The following TACO1 variants were observed in gnomAD, a reference collection of about 807,000 sequenced individuals.
TACO1 encodes translational activator of cytochrome c oxidase 1.
A neutral mutation model predicts 24.0 loss-of-function variants in TACO1; 13 were observed. The observed-to-expected ratio is 0.54, with a 90% confidence interval of 0.35 to 0.86. The LOEUF is 0.86. TACO1 is among the 40% of genes least tolerant of loss of function. The probability of loss-of-function intolerance (pLI) is 0.01; values close to 1 mark genes in which losing one functional copy is unlikely to be tolerated. For synonymous variants in TACO1, 149 were observed against 153.5 expected (o/e 0.97, Z 0.22); for missense variants, 352 against 380.1 (o/e 0.93, Z 0.61).
At chr17:63,604,681 T>C (rs1211156084) in intron 2 of TACO1, 41 bp downstream of exon 2, 3 of 1,565,096 alleles carry the variant, frequency 1.9e-6, no homozygotes, top group Non-Finnish European at 2.6e-6. Context: ...TCACAGCCTC[T>C]ACCGGGCTCA....
At chr17:63,604,233 G>T (rs1002026067) in intron 1 of TACO1, among the ~76,000 whole-genome samples, 2 of 151,998 alleles carry the variant, frequency 1.3e-5, no homozygotes, top group Non-Finnish European at 2.9e-5. Context: ...AGCTACTCAG[G>T]AGGCTGAGGC....
In TACO1 at chr17:63,601,201, C is replaced by A. The variant is rs1389722379; in HGVS notation, c.118C>A (p.Arg40=). 1.3e-6 allele frequency: 2 copies of A among 1,570,056 alleles called. No individual in the cohort carries two copies. Among genetic ancestry groups the A allele is most frequent in the South Asian group, 1.2e-5 (1 of 86,116 alleles). ...RDPRPSHPEP[R]GCGAAPGRTL... ...CCCCCGGCCCTCCCACCCCGAGCCCCGGGGCTGCGGTGCCGCTCCGGGCAG... is the reference window on the plus strand; with the variant it reads ...CCCCCGGCCCTCCCACCCCGAGCCCAGGGGCTGCGGTGCCGCTCCGGGCAG... Residue 40 remains arginine, a synonymous_variant, in exon 1 of 5, where the codon CGG becomes AGG. Coordinates refer to ENST00000258975, the MANE Select transcript of TACO1 (RefSeq NM_016360.4).
chr17:63,603,029 G>A (rs1451823598), intron 1 of TACO1, among the ~76,000 whole-genome samples: 4 of 151,790 alleles, frequency 2.6e-5, no homozygotes, highest in Admixed American at 2.0e-4. Flanking sequence ...AGGTCAGATC[G>A]AGACCATCCT....
chr17:63,607,714 T>A, intron 4 of TACO1, 88 bp from the exon 5 acceptor site: 1 of 1,260,452 alleles, frequency 7.9e-7, no homozygotes. Flanking sequence ...TCCATTCCAG[T>A]ACTGACATTC....
chr17:63,607,356 C>T lies in TACO1; in HGVS notation c.585C>T (p.Asp195=). 1 of 1,614,148 alleles carries T rather than the reference C, an allele frequency of 6.2e-7. No individual in the cohort carries two copies. Among genetic ancestry groups the T allele is most frequent in the Non-Finnish European group, 8.5e-7 (1 of 1,180,014 alleles). ...KKGVIVVEVE[D]REKKAVNLER... ...GGGTGATTGTGGTTGAAGTGGAGGA[C>T]AGAGAGAAGAAGGCTGTGAACCTAG... Residue 195 remains aspartate, a synonymous_variant, in exon 4 of 5, where the codon GAC becomes GAT. Transcript: ENST00000258975.
In TACO1 at chr17:63,606,315, A is replaced by G. The variant is rs916663656; in HGVS notation, c.390A>G (p.Lys130=). ...TGTGCTTGTGTTGTTTATTGCAGAA[A>G]TCCAAGGACACTTATTTGCTGTATG... is the stretch of plus-strand genomic sequence containing the variant. ...STIETALKME[K]SKDTYLLYEG... The change falls in exon 3 of 5, where the codon AAA becomes AAG. Residue 130 remains lysine (K), a splice_region_variant and synonymous_variant. Transcript: ENST00000258975. 4.2e-5 allele frequency: 68 copies of G among 1,613,102 alleles called. No individual in the cohort carries two copies. Among genetic ancestry groups the G allele is most frequent in the Non-Finnish European group, 5.5e-5 (65 of 1,180,038 alleles).
Position 63,604,565 on chromosome 17 carries a change from C to T in TACO1, c.312C>T (p.Asn104=), listed in dbSNP as rs774911709. The T allele has an allele frequency of 2.4e-5, 39 of 1,614,086 alleles. No individual in the cohort carries two copies. The highest frequency in any genetic ancestry group is 2.8e-5 in the Non-Finnish European group (33 of 1,180,028). ...GCCCCAACCCTGAGCACAACAGCAA[C>T]CTGGCCAATATCTTAGAGGTGTGTC... is the stretch of plus-strand genomic sequence containing the variant. ...EGGPNPEHNS[N]LANILEVCRS... The change falls in exon 2 of 5, where the codon AAC becomes AAT. Residue 104 remains asparagine, a synonymous_variant. Coordinates refer to ENST00000258975, the MANE Select transcript of TACO1 (RefSeq NM_016360.4).
chr17:63,607,347 A>C lies in TACO1; in HGVS notation c.576A>C (p.Glu192Asp). 1.9e-6 allele frequency: 3 copies of C among 1,614,214 alleles called. No homozygotes were observed. The highest frequency in any genetic ancestry group is 8.5e-7 in the Non-Finnish European group (1 of 1,180,026). The change falls in exon 4 of 5, where the codon GAA becomes GAC. Residue 192 changes from glutamate to aspartate, a missense_variant. Coordinates refer to ENST00000258975, the MANE Select transcript of TACO1 (RefSeq NM_016360.4). ...SFDKKGVIVVEVEDREKKAVN... is the reference protein window; with the variant it reads ...SFDKKGVIVVDVEDREKKAVN... ...ACAAAAAGGGGGTGATTGTGGTTGA[A>C]GTGGAGGACAGAGAGAAGAAGGCTG...
chr17:63,604,506 C>CA, intron 1 of TACO1, 28 bp from the exon 2 acceptor site: 1 of 1,586,524 alleles, frequency 6.3e-7, no homozygotes, highest in Non-Finnish European at 8.7e-7. Flanking sequence ...TTTGCTCACT[C>CA]TTTTTTTTCT....
intron 3 of TACO1, 164 bp downstream of exon 3, chr17:63,606,604 G>A (rs1045455351): frequency 1.2e-6 from 1 of 819,668 alleles, no homozygotes; most frequent in Non-Finnish European, 2.0e-6. Flanking sequence ...GGAGTGCAAT[G>A]GCATGATCTT....
At chr17:63,607,711 C>T in intron 4 of TACO1, 91 bp from the exon 5 acceptor site, 1 of 1,232,510 alleles carries the variant, frequency 8.1e-7, no homozygotes, top group Non-Finnish European at 1.2e-6. Flanking sequence ...TGATCCATTC[C>T]AGTACTGACA....
intron 1 of TACO1, among the ~76,000 whole-genome samples, chr17:63,602,240 G>T (rs2033827622): frequency 6.7e-6 from 1 of 148,350 alleles, no homozygotes. Flanking sequence ...TCCAGCCTGG[G>T]TGACAGAGCA....
At chr17:63,605,178 G>T (rs1241351678) in intron 2 of TACO1, among the ~76,000 whole-genome samples, 1 of 152,178 alleles carries the variant, frequency 6.6e-6, no homozygotes, top group Non-Finnish European at 1.5e-5. Flanking sequence ...GACCGGGACT[G>T]CTCAGCCAAG....
Position 63,608,204 on chromosome 17 carries a change from A to T in TACO1, c.*202A>T. 1.5e-6 allele frequency: 1 copy of T among 647,976 alleles called. No individual in the cohort carries two copies. The highest frequency in any genetic ancestry group is 2.3e-5 in the Admixed American group (1 of 43,780). 40.1% of individuals were successfully genotyped at this position (647,976 alleles called of 1,614,324 possible). A position where few individuals can be genotyped will look rare whatever the true frequency, so the allele number is the denominator to read the frequency against. Reference sequence around the variant, plus strand: ...TCAGCTCTGCTGCTGTCTCAGAGCCATCTGGATGAGTGTCCCGACACCCTC... The same window carrying T: ...TCAGCTCTGCTGCTGTCTCAGAGCCTTCTGGATGAGTGTCCCGACACCCTC... On this transcript the variant is annotated 3_prime_UTR_variant, in exon 5 of 5. Coordinates refer to ENST00000258975, the MANE Select transcript of TACO1 (RefSeq NM_016360.4).
At chr17:63,605,446 T>G (rs1441684488) in intron 2 of TACO1, among the ~76,000 whole-genome samples, 1 of 152,204 alleles carries the variant, frequency 6.6e-6, no homozygotes, top group Non-Finnish European at 1.5e-5. Context: ...TATTGAGTGC[T>G]TCCTGCAGGC....
intron 3 of TACO1, chr17:63,607,039 A>G (rs2033867202): frequency 5.3e-6 from 3 of 563,748 alleles, no homozygotes; most frequent in African/African-American, 1.9e-5. Flanking sequence ...TTAATGGCAC[A>G]GGAAATTATC....
In TACO1 at chr17:63,604,529, C is replaced by T. The variant is rs763800672; in HGVS notation, c.281-5C>T. Reference sequence around the variant, plus strand: ...CTCTTTTTTTTCTTTTTCTTTAAATCTCAGAAGGAGGCCCCAACCCTGAGC... The same window carrying T: ...CTCTTTTTTTTCTTTTTCTTTAAATTTCAGAAGGAGGCCCCAACCCTGAGC... On this transcript the variant is annotated splice_polypyrimidine_tract_variant and splice_region_variant and intron_variant, in intron 1 of 4. Transcript: ENST00000258975. 1.1e-5 allele frequency: 18 copies of T among 1,612,920 alleles called. No homozygotes were observed. Among genetic ancestry groups the T allele is most frequent in the Non-Finnish European group, 1.5e-5 (18 of 1,179,148 alleles).
chr17:63,604,559 C>A lies in TACO1; in HGVS notation c.306C>A (p.Asn102Lys). The A allele has an allele frequency of 6.2e-7, 1 of 1,614,076 alleles. No homozygotes were observed. The highest frequency in any genetic ancestry group is 8.5e-7 in the Non-Finnish European group (1 of 1,180,012). The change falls in exon 2 of 5, where the codon AAC becomes AAA. Residue 102 changes from asparagine (N) to lysine (K), a missense_variant. Transcript: ENST00000258975. ...VKEGGPNPEH[N>K]SNLANILEVC... Reference sequence around the variant, plus strand: ...AAGGAGGCCCCAACCCTGAGCACAACAGCAACCTGGCCAATATCTTAGAGG... The same window carrying A: ...AAGGAGGCCCCAACCCTGAGCACAAAAGCAACCTGGCCAATATCTTAGAGG...
rs541123397 is a variant in TACO1 at position 63,608,253 on chromosome 17, A to T, written c.*251A>T. 4 of 547,336 alleles carry T rather than the reference A, an allele frequency of 7.3e-6. No homozygotes were observed. The highest frequency in any genetic ancestry group is 9.9e-6 in the Non-Finnish European group (3 of 302,786). 33.9% of individuals were successfully genotyped at this position (547,336 alleles called of 1,614,324 possible). A position where few individuals can be genotyped will look rare whatever the true frequency, so the allele number is the denominator to read the frequency against. On this transcript the variant is annotated 3_prime_UTR_variant, in exon 5 of 5. Coordinates refer to ENST00000258975, the MANE Select transcript of TACO1 (RefSeq NM_016360.4). ...TCTCGGATGCAGGGCAGGACCACCC[A>T]GCTGGTCAGACTCTGATGTTGGGTA...
Sources: gnomAD v4.1 joint callset for allele counts (sites outside exome capture counted in the v4.1 genomes callset) on GRCh38, gnomAD v4.1.1 for gene constraint, MANE v1.5 for transcripts, NCBI Gene and HGNC (gene_info 2026-07-23, HGNC 2026-07-21) for gene names.